Variants in COL22A1 observed in about 807,000 individuals in gnomAD.
The protein encoded by COL22A1 is collagen alpha-1(XXII) chain.
A neutral mutation model predicts 248.9 loss-of-function variants in COL22A1; 221 were observed. That is an observed-to-expected ratio of 0.89 (90% CI 0.80 to 0.99). COL22A1 has a LOEUF of 0.99. Ranked by LOEUF, COL22A1 falls within the 50% of genes least tolerant of loss-of-function variation. COL22A1 has a pLI of 0.00. For missense variants in COL22A1, 2,240 were observed against 2,179.0 expected (o/e 1.03, Z -0.56); for synonymous variants, 891 against 793.4 (o/e 1.12, Z -2.07).
chr8:138,820,782 C>T (rs1173988633), intron 7 of COL22A1, among the ~76,000 whole-genome samples: 1 of 152,148 alleles, frequency 6.6e-6, no homozygotes, highest in African/African-American at 2.4e-5. Context: ...CTAGGAGCTA[C>T]CTTTCTCTAA....
chr8:138,902,628 C>A (rs938902638), intron 1 of COL22A1, among the ~76,000 whole-genome samples: 2 of 151,538 alleles, frequency 1.3e-5, no homozygotes, highest in Non-Finnish European at 2.9e-5. Context: ...ATGGCGTGAA[C>A]CTGGGAGGCA....
At chr8:138,616,829 G>A (rs1219189689) in intron 54 of COL22A1, 85 bp downstream of exon 54, 3 of 1,507,178 alleles carry the variant, frequency 2.0e-6, no homozygotes, top group African/African-American at 2.7e-5. Context: ...GCACTGCCAT[G>A]GCCTGCAGGC....
intron 3 of COL22A1, among the ~76,000 whole-genome samples, chr8:138,868,608 T>C (rs1823077852): frequency 6.6e-6 from 1 of 152,088 alleles, no homozygotes; most frequent in Non-Finnish European, 1.5e-5. Flanking sequence ...AGTAAATACA[T>C]CATGTGTGTA....
Position 138,710,606 on chromosome 8 carries a change from T to TATATATATAG in COL22A1, c.2517+5075_2517+5076insCTATATATAT, listed in dbSNP as rs150247137. 3.2e-3 allele frequency among the ~76,000 whole-genome samples: 476 copies of TATATATATAG among 147,826 alleles called. 1 individual carries two copies. The highest frequency in any genetic ancestry group is 9.1e-3 in the African/African-American group (365 of 39,898). ...TGCCCATAATCTATCTATCTATCTA[T>TATATATATAG]CTATATATATATATCTCCATTTCAC... is the stretch of plus-strand genomic sequence containing the variant. On this transcript the variant is annotated intron_variant, in intron 30 of 64. Coordinates refer to ENST00000303045, the MANE Select transcript of COL22A1 (RefSeq NM_152888.3).
chr8:138,802,675 T>C (rs1817098937), intron 11 of COL22A1, among the ~76,000 whole-genome samples, 197 bp downstream of exon 11: 1 of 151,688 alleles, frequency 6.6e-6, no homozygotes, highest in African/African-American at 2.4e-5. Context: ...GGCTAGAGAG[T>C]CCGCCAAGAC....
chr8:138,796,953 A>C (rs959255983), intron 11 of COL22A1, 96 bp from the exon 12 acceptor site: 2 of 856,038 alleles, frequency 2.3e-6, no homozygotes, highest in East Asian at 2.4e-5. Flanking sequence ...AAAGGATTAG[A>C]TATTTTCTCA....
rs762194846 is a variant in COL22A1 at position 138,778,404 on chromosome 8, C to G, written c.1707G>C (p.Gly569=). 18 of 1,599,988 alleles carry G rather than the reference C, an allele frequency of 1.1e-5. No homozygotes were observed. The East Asian group carries it at 4.0e-4, about 36-fold the overall frequency. ...CGGGGAGTCCAGGTGGTCCTTGGGG[C>G]CCCTGCAGAAGAGCATTTACAGAGT... is the stretch of plus-strand genomic sequence containing the variant. ...PGLPGEVGMR[G]PQGPPGLPGP... is the part of the protein sequence containing the mutation. The change falls in exon 15 of 65, where the codon GGG becomes GGC. Residue 569 remains glycine, a splice_region_variant and synonymous_variant. Coordinates refer to ENST00000303045, the MANE Select transcript of COL22A1 (RefSeq NM_152888.3).
In COL22A1 at chr8:138,717,173, A is replaced by G. The variant is rs1586556362; in HGVS notation, c.2356-304T>C. ...TTATTTTTTATTTTTTTTGAGACGG[A>G]GTCTCACTCAGTCACTCAGGCTGGA... is the stretch of plus-strand genomic sequence containing the variant. On this transcript the variant is annotated intron_variant, in intron 27 of 64. Coordinates refer to ENST00000303045, the MANE Select transcript of COL22A1 (RefSeq NM_152888.3). 3.3e-5 allele frequency among the ~76,000 whole-genome samples: 5 copies of G among 152,018 alleles called. 1 individual carries two copies. The highest frequency in any genetic ancestry group is 3.3e-4 in the Admixed American group (5 of 15,280).
At chr8:138,702,864 TG>T (rs1828079588) in intron 31 of COL22A1, among the ~76,000 whole-genome samples, 1 of 152,140 alleles carries the variant, frequency 6.6e-6, no homozygotes, top group African/African-American at 2.4e-5. Flanking sequence ...ATGACAGAGC[TG>T]GGAGCCAGGT....
chr8:138,877,303 C>T (rs1313668348), intron 3 of COL22A1, among the ~76,000 whole-genome samples: 1 of 152,218 alleles, frequency 6.6e-6, no homozygotes, highest in Non-Finnish European at 1.5e-5. Flanking sequence ...TCCCTCATCA[C>T]TGCCCCTTCG....
At chr8:138,894,595 A>C (rs1288786168) in intron 1 of COL22A1, among the ~76,000 whole-genome samples, 5 of 152,178 alleles carry the variant, frequency 3.3e-5, no homozygotes, top group Non-Finnish European at 7.4e-5. Flanking sequence ...TGGGCACTTG[A>C]GTCTACAGCT....
chr8:138,692,291 C>T (rs1184194136), intron 35 of COL22A1, among the ~76,000 whole-genome samples: 3 of 322 alleles, frequency 9.3e-3, no homozygotes, highest in African/African-American at 0.033. Flanking sequence ...TGCATGTGTG[C>T]ATGTTTGCGG....
intron 44 of COL22A1, among the ~76,000 whole-genome samples, chr8:138,659,553 T>C (rs1281432730): frequency 1.3e-5 from 2 of 152,194 alleles, no homozygotes; most frequent in Non-Finnish European, 2.9e-5. Context: ...AGGCAGCTTC[T>C]TCCCAAGGAC....
At chr8:138,834,062 G>A (rs934360783) in intron 4 of COL22A1, among the ~76,000 whole-genome samples, 1 of 152,146 alleles carries the variant, frequency 6.6e-6, no homozygotes, top group African/African-American at 2.4e-5. Flanking sequence ...CCCCCACAAT[G>A]GGATGCTTTC....
chr8:138,771,225 C>T (rs571886110), intron 16 of COL22A1, among the ~76,000 whole-genome samples: 27 of 152,310 alleles, frequency 1.8e-4, no homozygotes, highest in African/African-American at 6.3e-4. Flanking sequence ...ATGATCTTCG[C>T]TTCCTGAGCT....
At chr8:138,815,500 G>C (rs1005268656) in intron 7 of COL22A1, among the ~76,000 whole-genome samples, 1 of 152,100 alleles carries the variant, frequency 6.6e-6, no homozygotes, top group African/African-American at 2.4e-5. Flanking sequence ...CAGCCACATT[G>C]GTTTCCTCCT....
At chr8:138,667,540 A>G (rs1057342241) in intron 41 of COL22A1, among the ~76,000 whole-genome samples, 3 of 152,218 alleles carry the variant, frequency 2.0e-5, no homozygotes, top group African/African-American at 4.8e-5. Flanking sequence ...AAACAGCAAC[A>G]ATAAGCATCT....
At chr8:138,603,719 G>A (rs1818214966) in intron 59 of COL22A1, among the ~76,000 whole-genome samples, 1 of 152,166 alleles carries the variant, frequency 6.6e-6, no homozygotes, top group Admixed American at 6.5e-5. Flanking sequence ...CTCAGTGAGT[G>A]GCACCCTATG....
intron 1 of COL22A1, among the ~76,000 whole-genome samples, chr8:138,893,899 G>T (rs564339432): frequency 6.6e-6 from 1 of 152,306 alleles, no homozygotes; most frequent in African/African-American, 2.4e-5. Flanking sequence ...CCTAACCTGG[G>T]CTTGGGAGGT....
Sources: gnomAD v4.1 joint callset for allele counts (sites outside exome capture counted in the v4.1 genomes callset) on GRCh38, gnomAD v4.1.1 for gene constraint, MANE v1.5 for transcripts, NCBI Gene and HGNC (gene_info 2026-07-23, HGNC 2026-07-21) for gene names.